CAST: variants seen among roughly 807,000 people sequenced by gnomAD.
CAST encodes MIR583 host.
Under a neutral mutation model 119.6 loss-of-function variants are expected in CAST, and 76 were observed. The observed-to-expected ratio is 0.64, with a 90% CI of 0.53 to 0.77. The LOEUF (loss-of-function observed/expected upper bound fraction) is 0.77. Among genes scored for constraint, CAST ranks in the 30% least tolerant of loss-of-function variants. CAST has a pLI of 0.00. For missense variants in CAST, 953 were observed against 946.5 expected, an observed-to-expected ratio of 1.01 and a Z score of -0.09; for synonymous variants, 319 against 331.6, an observed-to-expected ratio of 0.96 and a Z score of 0.41.
At chr5:96,532,566 T>C (rs1745708680) in intron 1 of CAST, among the ~76,000 whole-genome samples, 1 of 152,006 alleles carries the variant, frequency 6.6e-6, no homozygotes, top group Non-Finnish European at 1.5e-5. Flanking sequence ...AATTTAAAAA[T>C]TGGCCAGGCA....
intron 22 of CAST, among the ~76,000 whole-genome samples, 197 bp from the exon 23 acceptor site, chr5:96,757,247 G>A (rs763596802): frequency 1.3e-5 from 2 of 152,216 alleles, no homozygotes; most frequent in African/African-American, 2.4e-5. Flanking sequence ...GGAATGCCTG[G>A]TGCTTGTGAG....
At chr5:96,297,949 G>GGT in the CAST span, among the ~76,000 whole-genome samples, 247 of 152,174 alleles carry the variant, frequency 1.6e-3, 1 homozygote, top group African/African-American at 5.6e-3. Flanking sequence ...TGAATGTGCG[G>GGT]GTGCTCTCAG....
At chr5:96,194,984 G>A in the CAST span, among the ~76,000 whole-genome samples, 26 of 152,306 alleles carry the variant, frequency 1.7e-4, no homozygotes, top group African/African-American at 6.3e-4. Flanking sequence ...GAACAGTTGT[G>A]GAAACCAGCT....
the CAST span, among the ~76,000 whole-genome samples, chr5:96,131,348 A>G: frequency 1.6e-4 from 24 of 152,048 alleles, 1 homozygote; most frequent in Non-Finnish European, 3.4e-4. Flanking sequence ...GGAAGCCTGC[A>G]CAACTGGCTG....
the CAST span, among the ~76,000 whole-genome samples, chr5:96,291,843 C>CGT: frequency 0.25 from 33,861 of 132,810 alleles, 4,153 homozygotes; most frequent in East Asian, 0.38. Context: ...TCCCAGTCTG[C>CGT]GTGTGTGTGT....
At chr5:96,045,079 G>A in the CAST span, among the ~76,000 whole-genome samples, 8 of 152,188 alleles carry the variant, frequency 5.3e-5, no homozygotes, top group Middle Eastern at 6.8e-3. Flanking sequence ...CTGGCCGGGC[G>A]CAGTGGCTCA....
chr5:96,135,129 C>T, the CAST span, among the ~76,000 whole-genome samples: 1 of 152,102 alleles, frequency 6.6e-6, no homozygotes, highest in African/African-American at 2.4e-5. Context: ...CCCTCCCACA[C>T]CATAAGGGTT....
upstream of CAST, among the ~76,000 whole-genome samples, chr5:96,521,512 C>A (rs764266173): frequency 2.6e-5 from 4 of 152,172 alleles, no homozygotes; most frequent in Non-Finnish European, 5.9e-5. Flanking sequence ...TTGTTCATGA[C>A]CAAACTCAAA....
At chr5:96,505,786 C>A in the CAST span, among the ~76,000 whole-genome samples, 1 of 152,208 alleles carries the variant, frequency 6.6e-6, no homozygotes, top group African/African-American at 2.4e-5. Flanking sequence ...CTACTGCCGC[C>A]AGCTGGGTGG....
At chr5:96,616,753 T>TATACACACAC (rs1167637550) in intron 1 of CAST, among the ~76,000 whole-genome samples, 50 of 130,838 alleles carry the variant, frequency 3.8e-4, no homozygotes, top group African/African-American at 7.1e-4. Context: ...TCTATATATA[T>TATACACACAC]ACACACACAC....
chr5:96,165,344 A>T, the CAST span, among the ~76,000 whole-genome samples: 1 of 152,160 alleles, frequency 6.6e-6, no homozygotes, highest in Non-Finnish European at 1.5e-5. Context: ...TAGACTAAGG[A>T]TGGAGTTTAA....
chr5:96,129,975 A>C, the CAST span, among the ~76,000 whole-genome samples: 1 of 151,402 alleles, frequency 6.6e-6, no homozygotes, highest in Non-Finnish European at 1.5e-5. Context: ...GTGAGATTAC[A>C]TACAATTCCA....
At position 96,703,827 on chromosome 5, in the gene CAST, G is replaced by T. The variant is rs190914022; in HGVS notation, c.210+7920G>T. ...TTGCAGGGAAGCTCAACAAGGAGTG[G>T]CATCTACTGTTCAAAAGGGGAAAGT... On this transcript the variant is annotated intron_variant, in intron 3 of 31. Transcript: ENST00000675179. Among the ~76,000 whole-genome samples, 239 of 152,300 alleles carry T rather than the reference G, an allele frequency of 1.6e-3. 2 individuals carry two copies. Among genetic ancestry groups the T allele is most frequent in the African/African-American group, 5.3e-3 (221 of 41,574 alleles).
At chr5:96,064,425 T>C in the CAST span, among the ~76,000 whole-genome samples, 2 of 152,080 alleles carry the variant, frequency 1.3e-5, no homozygotes, top group Admixed American at 1.3e-4. Context: ...ACAAATAAAG[T>C]TGGCATTAGA....
intron 1 of CAST, among the ~76,000 whole-genome samples, chr5:96,583,215 CTTTT>C (rs202088988): frequency 7.0e-6 from 1 of 143,324 alleles, no homozygotes; most frequent in Non-Finnish European, 1.5e-5. Flanking sequence ...TTCTCTTATT[CTTTT>C]TTTTTTTTTA....
the CAST span, among the ~76,000 whole-genome samples, chr5:96,031,743 A>G: frequency 6.6e-6 from 1 of 152,114 alleles, no homozygotes. Context: ...CTTCATCTGT[A>G]TGATAGAAAC....
chr5:96,414,559 T>TA, the CAST span, among the ~76,000 whole-genome samples: 5 of 152,146 alleles, frequency 3.3e-5, no homozygotes, highest in Admixed American at 3.3e-4. Context: ...AGATTATTGG[T>TA]AAAAAATGCA....
intron 1 of CAST, among the ~76,000 whole-genome samples, chr5:96,600,731 G>A (rs1747135766): frequency 6.6e-6 from 1 of 151,974 alleles, no homozygotes; most frequent in African/African-American, 2.4e-5. Flanking sequence ...TGTATTTCTT[G>A]CAACCTGAAG....
the CAST span, among the ~76,000 whole-genome samples, chr5:96,075,573 A>AAGCC: frequency 1.3e-5 from 2 of 152,220 alleles, no homozygotes; most frequent in Non-Finnish European, 2.9e-5. Flanking sequence ...TTAATTGACC[A>AAGCC]AGCCAAGAGA....
Sources: gnomAD v4.1 joint callset for allele counts (sites outside exome capture counted in the v4.1 genomes callset) on GRCh38, gnomAD v4.1.1 for gene constraint, MANE v1.5 for transcripts, NCBI Gene and HGNC (gene_info 2026-07-23, HGNC 2026-07-21) for gene names.